The following IFNGR2 variants were observed in gnomAD, a reference collection of about 807,000 sequenced individuals.
IFNGR2 encodes interferon gamma receptor 2, also known as IFN-gamma receptor 2.
IFNGR2 carries 15 observed loss-of-function variants against 41.1 expected under a neutral mutation model. The ratio of observed to expected loss-of-function variants is 0.37; its 90% CI spans 0.24 to 0.56. IFNGR2 has a LOEUF of 0.56. IFNGR2 is among the 20% of genes least tolerant of loss of function. The pLI is 0.81. For missense variants in IFNGR2, 362 were observed against 415.7 expected, an observed-to-expected ratio of 0.87 and a Z score of 1.12; for synonymous variants, 161 against 171.6, an observed-to-expected ratio of 0.94 and a Z score of 0.48.
In IFNGR2 at chr21:33,413,083, A is replaced by G. The variant is rs17882790; in HGVS notation, c.74-1805A>G. ...GGCAGCATTGTGGAAATTTCTCTGC[A>G]TAGTTCGGATGCTATTCAGATCTGT... On this transcript the variant is annotated intron_variant, in intron 1 of 6. Transcript: ENST00000290219. 8.6e-3 allele frequency among the ~76,000 whole-genome samples: 1,311 copies of G among 152,282 alleles called. 16 individuals carry two copies. The highest frequency in any genetic ancestry group is 0.03 in the African/African-American group (1,236 of 41,544).
In IFNGR2 at chr21:33,437,071, T is replaced by TA. The variant is rs2083962754; in HGVS notation, c.*113dup. 9.0e-7 allele frequency: 1 copy of TA among 1,111,334 alleles called. No individual in the cohort carries two copies. The highest frequency in any genetic ancestry group is 1.3e-5 in the South Asian group (1 of 78,198). 68.8% of individuals were successfully genotyped at this position (1,111,334 alleles called of 1,614,324 possible). ...GACCAGTATTCCCTTTTGCTGCCTC[T>TA]AAAAGGCCTGTCCCTGCAGACATGA... On this transcript the variant is annotated 3_prime_UTR_variant, in exon 7 of 7. Coordinates refer to ENST00000290219, the MANE Select transcript of IFNGR2 (RefSeq NM_005534.4).
chr21:33,432,315 T>G lies in IFNGR2; in HGVS notation c.700T>G (p.Cys234Gly). 6.2e-7 allele frequency: 1 copy of G among 1,614,172 alleles called. No individual in the cohort carries two copies. The highest frequency in any genetic ancestry group is 8.5e-7 in the Non-Finnish European group (1 of 1,179,990). ...FRVGHLSNIS[C>G]YETMADASTE... ...AGTCGGGCATTTAAGCAACATATCTTGCTACGAAACAATGGCAGATGGTAA... is the reference window on the plus strand; with the variant it reads ...AGTCGGGCATTTAAGCAACATATCTGGCTACGAAACAATGGCAGATGGTAA... The change falls in exon 5 of 7, where the codon TGC (cysteine) becomes GGC (glycine). Residue 234 changes from cysteine to glycine, a missense_variant. Cys to Gly is a radical substitution (Grantham distance 159, BLOSUM62 -3). Transcript: ENST00000290219.
At chr21:33,413,144 G>A (rs946765586) in intron 1 of IFNGR2, among the ~76,000 whole-genome samples, 6 of 152,194 alleles carry the variant, frequency 3.9e-5, no homozygotes, top group Non-Finnish European at 7.4e-5. Flanking sequence ...CTGTGTGACT[G>A]TGAGGGAGCA....
At chr21:33,429,148 G>C (rs1330748106) in intron 4 of IFNGR2, among the ~76,000 whole-genome samples, 2 of 152,160 alleles carry the variant, frequency 1.3e-5, no homozygotes, top group Non-Finnish European at 2.9e-5. Flanking sequence ...GCAGCCGTGA[G>C]GGCCCCCAAG....
At chr21:33,426,164 G>A (rs2083833945) in intron 3 of IFNGR2, among the ~76,000 whole-genome samples, 1 of 152,056 alleles carries the variant, frequency 6.6e-6, no homozygotes, top group Non-Finnish European at 1.5e-5. Context: ...TGTAATCCCA[G>A]CACTTTGGGA....
chr21:33,410,935 T>C, intron 1 of IFNGR2: 3 of 1,269,294 alleles, frequency 2.4e-6, no homozygotes, highest in Non-Finnish European at 2.2e-6. Flanking sequence ...GAAACCTGCA[T>C]CTCACAACCA....
At chr21:33,419,459 T>TTGTGTGTGTG (rs35945253) in intron 2 of IFNGR2, among the ~76,000 whole-genome samples, 16 of 150,090 alleles carry the variant, frequency 1.1e-4, no homozygotes, top group East Asian at 3.9e-4. Context: ...TGTTTGAAAA[T>TTGTGTGTGTG]TGTGTGTGTG....
Position 33,421,670 on chromosome 21 carries a change from C to T in IFNGR2, c.397C>T (p.Gln133Ter). The stretch of plus-strand genomic sequence containing the variant: ...TGCCTGGGTGACAATGCCTTGGTTT[C>T]AACACTATCGGAATGGTAAGAGAAC... ...HSAWVTMPWF[Q>*]HYRNVTVGPP... The change falls in exon 3 of 7, where the codon CAA (glutamine) becomes TAA (stop). Residue 133 changes from glutamine (Q) to a stop codon, truncating the protein, a stop_gained. Transcript: ENST00000290219. LOFTEE classifies it high-confidence loss of function. 1 of 1,613,568 alleles carries T rather than the reference C, an allele frequency of 6.2e-7. No homozygotes were observed. The highest frequency in any genetic ancestry group is 8.5e-7 in the Non-Finnish European group (1 of 1,179,468).
intron 4 of IFNGR2, among the ~76,000 whole-genome samples, chr21:33,431,855 AG>A (rs1438280923): frequency 6.6e-6 from 1 of 152,228 alleles, no homozygotes; most frequent in African/African-American, 2.4e-5. Context: ...TATAGGCGTG[AG>A]CCACCCCATC....
intron 1 of IFNGR2, among the ~76,000 whole-genome samples, chr21:33,411,883 A>T (rs2083719037): frequency 6.6e-6 from 1 of 152,196 alleles, no homozygotes; most frequent in South Asian, 2.1e-4. Flanking sequence ...ACTATAAGAA[A>T]ATAAATTTAG....
chr21:33,418,603 T>C (rs1458574621), intron 2 of IFNGR2, among the ~76,000 whole-genome samples: 1 of 152,200 alleles, frequency 6.6e-6, no homozygotes, highest in Non-Finnish European at 1.5e-5. Context: ...AGCATTGCTA[T>C]GATTAAAAAT....
chr21:33,405,744 A>T (rs909957039), intron 1 of IFNGR2, among the ~76,000 whole-genome samples: 1 of 152,198 alleles, frequency 6.6e-6, no homozygotes, highest in Non-Finnish European at 1.5e-5. Flanking sequence ...AATTTTAAAA[A>T]GTGAGGCCAG....
intron 3 of IFNGR2, among the ~76,000 whole-genome samples, chr21:33,423,393 T>TTTG (rs887459459): frequency 6.6e-6 from 1 of 150,828 alleles, no homozygotes; most frequent in Non-Finnish European, 1.5e-5. Context: ...AAAGTTTTTT[T>TTTG]TTGTTGTTGT....
intron 3 of IFNGR2, among the ~76,000 whole-genome samples, chr21:33,425,561 A>G (rs2083829265): frequency 6.6e-6 from 1 of 152,154 alleles, no homozygotes; most frequent in Non-Finnish European, 1.5e-5. Flanking sequence ...ACTTCTGCAC[A>G]CTCTGCTCAC....
In IFNGR2 at chr21:33,437,282, ATTGGTT is replaced by A; in HGVS notation, c.*321_*326del. The stretch of plus-strand genomic sequence containing the variant: ...ACACATCTCTGATACTTTTTTCATT[ATTGGTT>A]GGGCTGAGCAGTCAGAAGACCTGGT... On this transcript the variant is annotated 3_prime_UTR_variant, in exon 7 of 7. Transcript: ENST00000290219. 6.4e-6 allele frequency: 2 copies of A among 313,812 alleles called. No individual in the cohort carries two copies. The highest frequency in any genetic ancestry group is 6.2e-5 in the South Asian group (2 of 32,290). 19.4% of individuals were successfully genotyped at this position (313,812 alleles called of 1,614,324 possible).
intron 2 of IFNGR2, among the ~76,000 whole-genome samples, chr21:33,416,925 CTTTTT>C (rs554788768): frequency 3.1e-5 from 4 of 128,260 alleles, no homozygotes; most frequent in Non-Finnish European, 5.0e-5. Context: ...TTTTCTTTTT[CTTTTT>C]TTTTTTTTTT....
chr21:33,427,936 G>C lies in IFNGR2; in HGVS notation c.561+904G>C, dbSNP rs1465262205. ...GTAGAGACAGGGTTTTTACCACGTTGGTCAGGCTGGTCTCAGACTCCTGAC... is the reference window on the plus strand; with the variant it reads ...GTAGAGACAGGGTTTTTACCACGTTCGTCAGGCTGGTCTCAGACTCCTGAC... On this transcript the variant is annotated intron_variant, in intron 4 of 6. Transcript: ENST00000290219. Among the ~76,000 whole-genome samples, 12 of 141,128 alleles carry C rather than the reference G, an allele frequency of 8.5e-5. No individual in the cohort carries two copies. The East Asian group carries it at 2.6e-3, about 31-fold the overall frequency. 92.6% of individuals were successfully genotyped at this position (141,128 alleles called of 152,430 possible).
At chr21:33,424,744 T>C (rs2083821684) in intron 3 of IFNGR2, among the ~76,000 whole-genome samples, 1 of 152,172 alleles carries the variant, frequency 6.6e-6, no homozygotes, top group African/African-American at 2.4e-5. Context: ...TTTGTTTTTT[T>C]GTTTTGTTTT....
chr21:33,436,941 A>C lies in IFNGR2; in HGVS notation c.993A>C (p.Glu331Asp). 2 of 1,614,036 alleles carry C rather than the reference A, an allele frequency of 1.2e-6. No individual in the cohort carries two copies. The highest frequency in any genetic ancestry group is 1.7e-6 in the Non-Finnish European group (2 of 1,179,966). The change falls in exon 7 of 7, where the codon GAA becomes GAC. Residue 331 changes from glutamate (E) to aspartate (D), a missense_variant. Physicochemically the swap from Glu to Asp is conservative, Grantham distance 45. Coordinates refer to ENST00000290219, the MANE Select transcript of IFNGR2 (RefSeq NM_005534.4). ...SIISFPEKEQ[E>D]DVLQTL The stretch of plus-strand genomic sequence containing the variant: ...TCTCGTTTCCGGAAAAGGAGCAAGA[A>C]GATGTTCTCCAAACGCTTTGAACCA...
Sources: gnomAD v4.1 joint callset for allele counts (sites outside exome capture counted in the v4.1 genomes callset) on GRCh38, gnomAD v4.1.1 for gene constraint, MANE v1.5 for transcripts, NCBI Gene and HGNC (gene_info 2026-07-23, HGNC 2026-07-21) for gene names.